The following PBX3 variants were observed in gnomAD, a reference collection of about 807,000 sequenced individuals.
The protein encoded by PBX3 is pre-B-cell leukemia transcription factor 3.
A neutral mutation model predicts 48.5 loss-of-function variants in PBX3; 14 were observed. The observed-to-expected ratio is 0.29, with a 90% CI of 0.19 to 0.45. The LOEUF (loss-of-function observed/expected upper bound fraction) is 0.45. PBX3 is among the 20% of genes least tolerant of loss of function. The probability of loss-of-function intolerance (pLI) is 1.00; values close to 1 mark genes in which losing one functional copy is unlikely to be tolerated. For synonymous variants in PBX3, 210 were observed against 200.3 expected, an observed-to-expected ratio of 1.05 and a Z score of -0.41; for missense variants, 386 against 546.7, an observed-to-expected ratio of 0.71 and a Z score of 2.93.
intron 2 of PBX3, among the ~76,000 whole-genome samples, chr9:125,782,716 T>C (rs550678003): frequency 2.6e-5 from 4 of 152,332 alleles, no homozygotes; most frequent in Middle Eastern, 6.8e-3. Context: ...GGACCCTTTT[T>C]AGCATTTCTT....
At chr9:125,956,790 T>A (rs918523658) in intron 5 of PBX3, among the ~76,000 whole-genome samples, 4 of 152,216 alleles carry the variant, frequency 2.6e-5, no homozygotes, top group African/African-American at 9.6e-5. Context: ...GCGTAGTCCC[T>A]TTCCCTTCAC....
At chr9:125,817,048 A>C (rs1588177112) in intron 2 of PBX3, among the ~76,000 whole-genome samples, 1 of 152,256 alleles carries the variant, frequency 6.6e-6, no homozygotes, top group East Asian at 1.9e-4. Flanking sequence ...TTTTTAATCA[A>C]CATTTTTTGC....
chr9:125,797,343 A>G (rs1211944165), intron 2 of PBX3: 5 of 152,120 alleles, frequency 3.3e-5, no homozygotes, highest in Non-Finnish European at 7.4e-5. Context: ...GCTCTAAATC[A>G]TACTGTATTC....
chr9:125,901,754 A>G (rs1385516427), intron 2 of PBX3, among the ~76,000 whole-genome samples: 1 of 151,746 alleles, frequency 6.6e-6, no homozygotes, highest in Non-Finnish European at 1.5e-5. Flanking sequence ...ACAAACAACA[A>G]CAGCAACAAC....
At chr9:125,848,973 G>C (rs188993701) in intron 2 of PBX3, among the ~76,000 whole-genome samples, 70 of 152,036 alleles carry the variant, frequency 4.6e-4, no homozygotes, top group African/African-American at 1.6e-3. Flanking sequence ...CACTTATAAT[G>C]TGCCAGGTAC....
intron 2 of PBX3, among the ~76,000 whole-genome samples, chr9:125,913,945 A>C (rs1419279457): frequency 6.6e-6 from 1 of 152,248 alleles, no homozygotes; most frequent in African/African-American, 2.4e-5. Flanking sequence ...CTCTCATTGC[A>C]TGCCAAATGC....
intron 3 of PBX3, among the ~76,000 whole-genome samples, chr9:125,921,948 C>G (rs1841466533): frequency 6.6e-6 from 1 of 152,126 alleles, no homozygotes; most frequent in Non-Finnish European, 1.5e-5. Flanking sequence ...GTTTTTAGAT[C>G]TGATCACTGA....
intron 5 of PBX3, among the ~76,000 whole-genome samples, chr9:125,945,772 TTC>T (rs1842052689): frequency 6.6e-6 from 1 of 152,168 alleles, no homozygotes; most frequent in Non-Finnish European, 1.5e-5. Context: ...TCACATTGCC[TTC>T]AGATCTGTTG....
chr9:125,802,904 CCT>C (rs1476039330), intron 2 of PBX3, among the ~76,000 whole-genome samples: 1 of 152,042 alleles, frequency 6.6e-6, no homozygotes, highest in Non-Finnish European at 1.5e-5. Context: ...GTCTCGAACT[CCT>C]GACCTCAGGT....
intron 2 of PBX3, among the ~76,000 whole-genome samples, chr9:125,805,115 A>AT (rs976781200): frequency 2.0e-5 from 3 of 151,968 alleles, no homozygotes; most frequent in Non-Finnish European, 2.9e-5. Flanking sequence ...AAAAGAAAAT[A>AT]TTTTTTTGAG....
At chr9:125,778,724 C>A (rs922256761) in intron 2 of PBX3, among the ~76,000 whole-genome samples, 1 of 149,470 alleles carries the variant, frequency 6.7e-6, no homozygotes, top group Non-Finnish European at 1.5e-5. Context: ...TGCTCTTTGC[C>A]CGGTACTGGG....
intron 2 of PBX3, chr9:125,749,592 G>A (rs1293821438): frequency 7.3e-6 from 1 of 137,352 alleles, no homozygotes; most frequent in Non-Finnish European, 1.6e-5. Context: ...TGTGTTGGAT[G>A]TATGGTATTT....
chr9:125,892,376 A>G (rs1010808566), intron 2 of PBX3, among the ~76,000 whole-genome samples: 3 of 152,176 alleles, frequency 2.0e-5, no homozygotes, highest in Admixed American at 2.0e-4. Context: ...AAATTTCCAA[A>G]ATAAGTTAAT....
At chr9:125,867,006 A>G (rs910686199) in intron 2 of PBX3, among the ~76,000 whole-genome samples, 19 of 152,208 alleles carry the variant, frequency 1.2e-4, no homozygotes, top group African/African-American at 4.3e-4. Context: ...TGTAATTACA[A>G]AGCAATTGTA....
intron 2 of PBX3, among the ~76,000 whole-genome samples, chr9:125,793,096 T>TAATC (rs1837659431): frequency 6.6e-6 from 1 of 151,670 alleles, no homozygotes; most frequent in Non-Finnish European, 1.5e-5. Context: ...CTCATGCCTG[T>TAATC]AATCCCAGCA....
At chr9:125,900,673 T>C (rs983279804) in intron 2 of PBX3, among the ~76,000 whole-genome samples, 2 of 151,768 alleles carry the variant, frequency 1.3e-5, no homozygotes, top group Non-Finnish European at 2.9e-5. Flanking sequence ...AAATGAGTTT[T>C]GTCCTAGTTG....
chr9:125,946,383 G>C (rs1364965920), intron 5 of PBX3, among the ~76,000 whole-genome samples: 1 of 152,060 alleles, frequency 6.6e-6, no homozygotes, highest in Non-Finnish European at 1.5e-5. Context: ...AATGTTTCTG[G>C]TACAGAAACC....
intron 2 of PBX3, among the ~76,000 whole-genome samples, chr9:125,808,646 A>G (rs1376943542): frequency 6.6e-6 from 1 of 152,178 alleles, no homozygotes; most frequent in East Asian, 1.9e-4. Context: ...AGCCTGAGCT[A>G]TAGAGTGAGA....
chr9:125,843,635 G>C, intron 2 of PBX3: 1 of 254,364 alleles, frequency 3.9e-6, no homozygotes, highest in Non-Finnish European at 8.2e-6. Context: ...CTTGACAACA[G>C]TCCCGAAAGA....
Sources: gnomAD v4.1 joint callset for allele counts (sites outside exome capture counted in the v4.1 genomes callset) on GRCh38, gnomAD v4.1.1 for gene constraint, MANE v1.5 for transcripts, NCBI Gene and HGNC (gene_info 2026-07-23, HGNC 2026-07-21) for gene names.